The following CACNA2D3 variants were observed in gnomAD, a reference collection of about 807,000 sequenced individuals.
CACNA2D3 encodes calcium voltage-gated channel auxiliary subunit alpha2delta 3, also known as voltage-dependent calcium channel subunit alpha-2/delta-3.
Under a neutral mutation model 160.6 loss-of-function variants are expected in CACNA2D3, and 60 were observed. The ratio of observed to expected loss-of-function variants is 0.37; its 90% confidence interval spans 0.30 to 0.46. The LOEUF (loss-of-function observed/expected upper bound fraction) is 0.46, where lower values mean the gene tolerates loss of function less well. CACNA2D3 is among the 20% of genes least tolerant of loss of function. The pLI is 1.00. For synonymous variants in CACNA2D3, 558 were observed against 492.9 expected (o/e 1.13, Z -1.75); for missense variants, 1,205 against 1,365.0 (o/e 0.88, Z 1.85).
At position 54,151,892 on chromosome 3, in the gene CACNA2D3, C is replaced by T. The variant is rs183673764; in HGVS notation, c.204+28298C>T. Among the ~76,000 whole-genome samples, 101 of 152,346 alleles carry T rather than the reference C, an allele frequency of 6.6e-4. 1 individual carries two copies. Among genetic ancestry groups the T allele is most frequent in the African/African-American group, 2.4e-3 (98 of 41,586 alleles). On this transcript the variant is annotated intron_variant, in intron 2 of 37. Transcript: ENST00000474759. ...GTTTTCTCAGCCATCCTCTTTCCTG[C>T]CTCCTCATTGTTGCCCATACTGTTC...
intron 4 of CACNA2D3, among the ~76,000 whole-genome samples, chr3:54,473,850 T>C (rs1700780310): frequency 6.6e-6 from 1 of 151,716 alleles, no homozygotes; most frequent in Non-Finnish European, 1.5e-5. Context: ...TCTCACCCCA[T>C]GACGATGGTG....
At chr3:54,248,481 CAAAAAAA>C (rs577393882) in intron 2 of CACNA2D3, among the ~76,000 whole-genome samples, 2 of 44,428 alleles carry the variant, frequency 4.5e-5, no homozygotes, top group African/African-American at 1.5e-4. Context: ...AACTCCATCT[CAAAAAAA>C]AAAAAAAAAG....
intron 18 of CACNA2D3, among the ~76,000 whole-genome samples, chr3:54,877,834 G>A (rs991970491): frequency 6.6e-6 from 1 of 152,044 alleles, no homozygotes; most frequent in East Asian, 1.9e-4. Context: ...GCTTTAGGCA[G>A]GCACCAGAAA....
chr3:54,830,135 G>T (rs1020256430), intron 14 of CACNA2D3, among the ~76,000 whole-genome samples: 1 of 151,844 alleles, frequency 6.6e-6, no homozygotes, highest in Admixed American at 6.6e-5. Flanking sequence ...AGTAGAGACG[G>T]GATTTCACCA....
At chr3:54,714,686 C>T (rs1285024012) in intron 11 of CACNA2D3, among the ~76,000 whole-genome samples, 1 of 152,148 alleles carries the variant, frequency 6.6e-6, no homozygotes, top group African/African-American at 2.4e-5. Flanking sequence ...ACCTCTTTGC[C>T]TCTGGATCAT....
chr3:54,598,152 A>C (rs1702991733), intron 9 of CACNA2D3, among the ~76,000 whole-genome samples: 1 of 151,258 alleles, frequency 6.6e-6, no homozygotes, highest in Non-Finnish European at 1.5e-5. Flanking sequence ...CAACAACAAC[A>C]AAAAAATTAG....
intron 4 of CACNA2D3, among the ~76,000 whole-genome samples, chr3:54,478,525 G>C (rs948311507): frequency 4.0e-5 from 6 of 151,440 alleles, no homozygotes; most frequent in Middle Eastern, 3.4e-3. Flanking sequence ...CCAGCTATTA[G>C]GGAGGCTGAG....
chr3:54,414,191 A>G lies in CACNA2D3; in HGVS notation c.381+27417A>G, dbSNP rs543021739. Among the ~76,000 whole-genome samples, 20 of 152,188 alleles carry G rather than the reference A, an allele frequency of 1.3e-4. No individual in the cohort carries two copies. In the South Asian group the frequency reaches 4.1e-3, roughly 32 times the overall value. On this transcript the variant is annotated intron_variant, in intron 4 of 37. Transcript: ENST00000474759. ...TTGTGCATTCTAACATTATATCAGC[A>G]GTGAGAACAACATTGACTTATTCAT...
chr3:54,242,727 A>G (rs1701996010), intron 2 of CACNA2D3, among the ~76,000 whole-genome samples: 1 of 152,146 alleles, frequency 6.6e-6, no homozygotes, highest in Non-Finnish European at 1.5e-5. Flanking sequence ...ACAATTTAAA[A>G]TGTATGAATT....
At chr3:55,035,082 T>C (rs953860559) in intron 35 of CACNA2D3, among the ~76,000 whole-genome samples, 2 of 152,172 alleles carry the variant, frequency 1.3e-5, no homozygotes, top group South Asian at 2.1e-4. Context: ...CAGGAAGATA[T>C]AGTGCCAACT....
At position 55,074,142 on chromosome 3, in the gene CACNA2D3, C is replaced by G. The variant is rs746930496; in HGVS notation, c.3212C>G (p.Pro1071Arg). 4.6e-5 allele frequency: 75 copies of G among 1,613,670 alleles called. No individual in the cohort carries two copies. The highest frequency in any genetic ancestry group is 3.4e-4 in the South Asian group (31 of 91,078). Residue 1071 changes from proline to arginine, a missense_variant, in exon 38 of 38, where the codon CCG becomes CGG. Coordinates refer to ENST00000474759, the MANE Select transcript of CACNA2D3 (RefSeq NM_018398.3). ...EENARECGGA[P>R]SLQAQTVLLL... is the part of the protein sequence containing the mutation. ...AATGCAAGGGAGTGTGGGGGTGCGC[C>G]GAGTCTCCAAGCCCAGACAGTCCTC...
intron 4 of CACNA2D3, among the ~76,000 whole-genome samples, chr3:54,435,561 C>G (rs1252073535): frequency 6.6e-6 from 1 of 152,114 alleles, no homozygotes; most frequent in African/African-American, 2.4e-5. Context: ...CAGTGGGAAG[C>G]TAACGTACAC....
At chr3:54,540,752 A>G (rs575407369) in intron 5 of CACNA2D3, among the ~76,000 whole-genome samples, 10 of 152,086 alleles carry the variant, frequency 6.6e-5, no homozygotes, top group Non-Finnish European at 1.2e-4. Flanking sequence ...GTTCCCTCTC[A>G]TGATTTAATT....
At position 54,418,965 on chromosome 3, in the gene CACNA2D3, C is replaced by T. The variant is rs543673795; in HGVS notation, c.381+32191C>T. On this transcript the variant is annotated intron_variant, in intron 4 of 37. Coordinates refer to ENST00000474759, the MANE Select transcript of CACNA2D3 (RefSeq NM_018398.3). ...CTCCAGGGACCACGTCTGCTTTCAG[C>T]CCTGTCAGCAGAGCTTAAGCACACA... is the stretch of plus-strand genomic sequence containing the variant. Among the ~76,000 whole-genome samples, 7 of 152,316 alleles carry T rather than the reference C, an allele frequency of 4.6e-5. No homozygotes were observed. The South Asian group carries it at 1.4e-3, about 32-fold the overall frequency.
chr3:54,316,580 C>T (rs1183132405), intron 2 of CACNA2D3, among the ~76,000 whole-genome samples: 1 of 152,124 alleles, frequency 6.6e-6, no homozygotes, highest in Non-Finnish European at 1.5e-5. Flanking sequence ...GATACTCAGG[C>T]TAGAGAGGAA....
At chr3:54,942,728 A>C (rs1367917339) in intron 27 of CACNA2D3, among the ~76,000 whole-genome samples, 2 of 152,064 alleles carry the variant, frequency 1.3e-5, no homozygotes, top group African/African-American at 2.4e-5. Context: ...ATCTCTAAAA[A>C]AATAAAAAAA....
chr3:54,355,049 C>T (rs1372184381), intron 3 of CACNA2D3, among the ~76,000 whole-genome samples: 1 of 152,172 alleles, frequency 6.6e-6, no homozygotes, highest in Non-Finnish European at 1.5e-5. Context: ...ATAGTCATGG[C>T]ATGTGTTTGT....
intron 11 of CACNA2D3, among the ~76,000 whole-genome samples, chr3:54,684,929 C>A (rs1404410269): frequency 6.6e-6 from 1 of 152,022 alleles, no homozygotes; most frequent in African/African-American, 2.4e-5. Flanking sequence ...ATGCATGCAT[C>A]CCACTGCTTG....
chr3:54,745,814 T>C (rs987503772), intron 11 of CACNA2D3, among the ~76,000 whole-genome samples: 1 of 152,206 alleles, frequency 6.6e-6, no homozygotes, highest in African/African-American at 2.4e-5. Flanking sequence ...TTTTCTGAAT[T>C]GGAATTTTTT....
Sources: gnomAD v4.1 joint callset for allele counts (sites outside exome capture counted in the v4.1 genomes callset) on GRCh38, gnomAD v4.1.1 for gene constraint, MANE v1.5 for transcripts, NCBI Gene and HGNC (gene_info 2026-07-23, HGNC 2026-07-21) for gene names.